Variants in CRYZL1 observed in about 807,000 individuals in gnomAD.
CRYZL1 encodes the protein crystallin zeta like 1.
In CRYZL1, 34 loss-of-function variants were observed where a neutral mutation model predicts 50.6. That is an observed-to-expected ratio of 0.67 (90% CI 0.51 to 0.89). The LOEUF is 0.89. Among genes scored for constraint, CRYZL1 ranks in the 40% least tolerant of loss-of-function variants. CRYZL1 has a pLI of 0.00. For missense variants in CRYZL1, 354 were observed against 402.3 expected (o/e 0.88, Z 1.03); for synonymous variants, 125 against 134.3 (o/e 0.93, Z 0.48).
At position 33,601,090 on chromosome 21, in the gene CRYZL1, C is replaced by G. The variant is rs142385424; in HGVS notation, c.577+1144G>C. Among the ~76,000 whole-genome samples the G allele has an allele frequency of 1.5e-3, 222 of 151,602 alleles. 2 individuals are homozygous for G. The East Asian group carries it at 0.039, about 27-fold the overall frequency. On this transcript the variant is annotated intron_variant, in intron 8 of 12. Transcript: ENST00000381554. ...TAGCTGGGATTACAGGCGTCTGCCA[C>G]CACGCCCAGCTAATTTTTGTATTTT...
intron 1 of CRYZL1, chr21:33,640,176 T>G (rs2087261965): frequency 1.3e-6 from 2 of 1,548,896 alleles, no homozygotes; most frequent in East Asian, 4.9e-5. Context: ...GAGCTCAATG[T>G]AGTTCATTGG....
chr21:33,622,031 G>A lies in CRYZL1; in HGVS notation c.182C>T (p.Pro61Leu). The change falls in exon 4 of 13, where the codon CCT (proline) becomes CTT (leucine). Residue 61 changes from proline to leucine, a missense_variant. Coordinates refer to ENST00000381554, the MANE Select transcript of CRYZL1 (RefSeq NM_145858.3). ...AEMKMKKDLF[P>L]VGREIAGIVL... The stretch of plus-strand genomic sequence containing the variant: ...AATTCCAGCAATTTCTCTCCCAACA[G>A]GAAATAAATCCTTTTTCATCTTCAT... 6.2e-7 allele frequency: 1 copy of A among 1,612,600 alleles called. No homozygotes were observed. The highest frequency in any genetic ancestry group is 8.5e-7 in the Non-Finnish European group (1 of 1,179,012).
At chr21:33,595,028 A>G (rs1601325137) in intron 11 of CRYZL1, 1 of 275,174 alleles carries the variant, frequency 3.6e-6, no homozygotes, top group Admixed American at 5.5e-5. Context: ...TAAAACTTTT[A>G]CCAAGTGCTG....
At chr21:33,616,796 A>C in intron 4 of CRYZL1, 46 bp from the exon 5 acceptor site, 1 of 1,418,782 alleles carries the variant, frequency 7.0e-7, no homozygotes, top group African/African-American at 1.5e-5. Flanking sequence ...AGTTTATTAA[A>C]TATAATTCTT....
intron 2 of CRYZL1, among the ~76,000 whole-genome samples, chr21:33,631,233 A>G (rs1325913899): frequency 1.3e-5 from 2 of 152,248 alleles, no homozygotes; most frequent in Non-Finnish European, 2.9e-5. Context: ...ACATGAATCA[A>G]AACATCACAG....
chr21:33,621,070 T>G (rs1178569544), intron 4 of CRYZL1, among the ~76,000 whole-genome samples: 1 of 147,858 alleles, frequency 6.8e-6, no homozygotes, highest in Non-Finnish European at 1.5e-5. Context: ...CTCGCCCGGC[T>G]AATTTTTTGT....
intron 2 of CRYZL1, among the ~76,000 whole-genome samples, chr21:33,625,783 C>T (rs1360784542): frequency 1.3e-5 from 2 of 151,330 alleles, no homozygotes; most frequent in East Asian, 3.9e-4. Context: ...AGTGCCCAGC[C>T]CTTAAATTTT....
At chr21:33,636,635 T>G (rs1456353163) in intron 1 of CRYZL1, among the ~76,000 whole-genome samples, 2 of 152,174 alleles carry the variant, frequency 1.3e-5, no homozygotes, top group Non-Finnish European at 2.9e-5. Context: ...GAACTTTGCA[T>G]AAATTAAACA....
intron 5 of CRYZL1, among the ~76,000 whole-genome samples, chr21:33,616,023 T>C (rs2086926634): frequency 6.6e-6 from 1 of 152,192 alleles, no homozygotes; most frequent in South Asian, 2.1e-4. Context: ...GCTGGTGCGC[T>C]GCACCCACTA....
chr21:33,592,173 C>T (rs2086651347), intron 11 of CRYZL1, among the ~76,000 whole-genome samples: 1 of 150,006 alleles, frequency 6.7e-6, no homozygotes, highest in Admixed American at 6.6e-5. Context: ...GACAGGGGCC[C>T]CCTCTGTGGC....
chr21:33,597,497 T>TTTTTTTTGTATTTTTAG, intron 9 of CRYZL1, 96 bp from the exon 10 acceptor site: 1 of 1,011,678 alleles, frequency 9.9e-7, no homozygotes, highest in Non-Finnish European at 1.5e-6. Context: ...TCTTATTTAT[T>TTTTTTTTGTATTTTTAG]TAGAGACAAG....
intron 4 of CRYZL1, among the ~76,000 whole-genome samples, chr21:33,619,974 G>T (rs1446017585): frequency 6.6e-6 from 1 of 152,138 alleles, no homozygotes; most frequent in Non-Finnish European, 1.5e-5. Flanking sequence ...CTGCTCATGT[G>T]TATATTTGTC....
chr21:33,635,346 CTTTTTTT>C (rs11346670), intron 1 of CRYZL1, among the ~76,000 whole-genome samples: 5 of 93,450 alleles, frequency 5.4e-5, no homozygotes, highest in East Asian at 3.0e-4. Flanking sequence ...AAGTATTAAA[CTTTTTTT>C]TTTTTTTTTT....
At chr21:33,603,344 C>T in intron 7 of CRYZL1, 60 bp downstream of exon 7, 2 of 1,584,254 alleles carry the variant, frequency 1.3e-6, no homozygotes, top group Non-Finnish European at 1.7e-6. Context: ...TGGCTCATTG[C>T]TAAATTTCCT....
chr21:33,602,101 AG>A (rs2086763080), intron 8 of CRYZL1, 132 bp downstream of exon 8: 1 of 570,794 alleles, frequency 1.8e-6, no homozygotes, highest in Admixed American at 3.1e-5. Flanking sequence ...TGGCTTCCCA[AG>A]GTGCTGAGGT....
rs1450404242 is a variant in CRYZL1 at position 33,591,179 on chromosome 21, T to C, written c.933A>G (p.Leu311=). 5.0e-6 allele frequency: 8 copies of C among 1,610,358 alleles called. No homozygotes were observed. The South Asian group carries it at 8.8e-5, about 18-fold the overall frequency. ...TAGCGTACCTGAAAACACCAGTTGA[T>C]AACTTCTCCATCACATCCTTTAAGA... The part of the protein sequence containing the change: ...LCILKDVMEK[L]STGVFRPQLD... The change falls in exon 12 of 13, where the codon TTA becomes TTG. Residue 311 remains leucine, a synonymous_variant. Transcript: ENST00000381554.
chr21:33,626,291 A>G (rs917910295), intron 2 of CRYZL1, among the ~76,000 whole-genome samples: 7 of 151,788 alleles, frequency 4.6e-5, no homozygotes, highest in African/African-American at 1.7e-4. Flanking sequence ...CCTTTATTCA[A>G]CTCTTCCTTA....
chr21:33,615,607 CTA>C, intron 5 of CRYZL1, among the ~76,000 whole-genome samples: 1 of 152,082 alleles, frequency 6.6e-6, no homozygotes, highest in Non-Finnish European at 1.5e-5. Flanking sequence ...AAGTCATAGC[CTA>C]TGTTTGTGTG....
chr21:33,635,636 G>A (rs2087197750), intron 1 of CRYZL1, among the ~76,000 whole-genome samples: 1 of 150,954 alleles, frequency 6.6e-6, no homozygotes, highest in Non-Finnish European at 1.5e-5. Flanking sequence ...TTATAGGCGT[G>A]AGCCACCGCG....
Sources: allele counts gnomAD v4.1 joint callset (sites outside exome capture counted in the v4.1 genomes callset), GRCh38; gene constraint gnomAD v4.1.1; transcripts MANE v1.5; gene names NCBI Gene and HGNC (gene_info 2026-07-23, HGNC 2026-07-21).